The following TMEM232 variants were observed in gnomAD, a reference collection of about 807,000 sequenced individuals.
TMEM232 encodes transmembrane protein 232.
Under a neutral mutation model 78.8 loss-of-function variants are expected in TMEM232, and 80 were observed. The ratio of observed to expected loss-of-function variants is 1.01; its 90% CI spans 0.85 to 1.22. TMEM232 has a LOEUF of 1.22. Among genes scored for constraint, TMEM232 ranks in the 50% most tolerant of loss-of-function variants. The pLI is 0.00. For synonymous variants in TMEM232, 297 were observed against 254.3 expected (o/e 1.17, Z -1.60); for missense variants, 881 against 742.2 (o/e 1.19, Z -2.17).
intron 10 of TMEM232, among the ~76,000 whole-genome samples, chr5:110,602,874 A>G (rs1276145686): frequency 6.6e-6 from 1 of 152,218 alleles, no homozygotes; most frequent in East Asian, 1.9e-4. Context: ...CACAATAGCG[A>G]AGAGTTGGAA....
rs1231798143 is a variant in TMEM232, at chr5:110,551,513, G to A, written c.1455+16934C>T. On this transcript the variant is annotated intron_variant, in intron 11 of 13. Coordinates refer to ENST00000455884, the MANE Select transcript of TMEM232 (RefSeq NM_001039763.4). Reference sequence around the variant, plus strand: ...GCTGGGATTATAGGCATGAGCCACCGCGCCAGGACACGTCTAACATTTTTG... The same window carrying A: ...GCTGGGATTATAGGCATGAGCCACCACGCCAGGACACGTCTAACATTTTTG... Among the ~76,000 whole-genome samples the A allele has an allele frequency of 5.9e-5, 9 of 152,210 alleles. No individual in the cohort carries two copies. In the East Asian group the frequency reaches 7.7e-4, roughly 13 times the overall value.
At chr5:110,462,530 C>T (rs1174460240) in intron 12 of TMEM232, among the ~76,000 whole-genome samples, 1 of 152,196 alleles carries the variant, frequency 6.6e-6, no homozygotes, top group East Asian at 1.9e-4. Context: ...GTGCTGGATG[C>T]TTCCTGCCCT....
intron 1 of TMEM232, among the ~76,000 whole-genome samples, chr5:110,720,341 A>G (rs1797467369): frequency 6.6e-6 from 1 of 152,210 alleles, no homozygotes; most frequent in Non-Finnish European, 1.5e-5. Context: ...AGACTGGGTG[A>G]AGTAAGGGAG....
At chr5:110,628,190 A>T (rs1050936038) in intron 5 of TMEM232, among the ~76,000 whole-genome samples, 1 of 152,090 alleles carries the variant, frequency 6.6e-6, no homozygotes. Context: ...TGAGTCATGA[A>T]ATCAATTGAG....
At chr5:110,520,644 G>A (rs1034349452) in intron 12 of TMEM232, among the ~76,000 whole-genome samples, 5 of 152,174 alleles carry the variant, frequency 3.3e-5, no homozygotes, top group Non-Finnish European at 5.9e-5. Flanking sequence ...AATGGGCTGG[G>A]CATGGTGGCT....
At chr5:110,554,233 G>A (rs560232363) in intron 11 of TMEM232, among the ~76,000 whole-genome samples, 6 of 152,160 alleles carry the variant, frequency 3.9e-5, no homozygotes, top group Middle Eastern at 3.4e-3. Flanking sequence ...CTGCCAACAC[G>A]GCTAGAATAT....
At chr5:110,522,549 T>C (rs1251335311) in intron 12 of TMEM232, among the ~76,000 whole-genome samples, 2 of 152,200 alleles carry the variant, frequency 1.3e-5, no homozygotes, top group Non-Finnish European at 2.9e-5. Context: ...CTGTGGACTT[T>C]ACATATATGG....
intron 12 of TMEM232, among the ~76,000 whole-genome samples, chr5:110,499,109 A>C (rs1313408240): frequency 6.6e-6 from 1 of 152,202 alleles, no homozygotes; most frequent in Non-Finnish European, 1.5e-5. Flanking sequence ...ATGGAATAGC[A>C]AAACATTTCA....
At chr5:110,611,446 G>A (rs1782261896) in intron 8 of TMEM232, among the ~76,000 whole-genome samples, 4 of 152,068 alleles carry the variant, frequency 2.6e-5, no homozygotes, top group African/African-American at 4.8e-5. Context: ...GGAGAGTGAA[G>A]GGATGGAGCC....
chr5:110,455,587 C>T (rs1030180503), intron 12 of TMEM232, among the ~76,000 whole-genome samples: 1 of 151,852 alleles, frequency 6.6e-6, no homozygotes, highest in East Asian at 1.9e-4. Flanking sequence ...ACCGTGTTAG[C>T]CAGGATGGTC....
chr5:110,442,438 T>C (rs1759165023), intron 12 of TMEM232, among the ~76,000 whole-genome samples: 1 of 152,044 alleles, frequency 6.6e-6, no homozygotes, highest in South Asian at 2.1e-4. Context: ...AGTATGTGAA[T>C]TGATCAACTC....
intron 12 of TMEM232, among the ~76,000 whole-genome samples, chr5:110,481,380 T>C (rs2149396149): frequency 6.6e-6 from 1 of 152,244 alleles, no homozygotes; most frequent in Middle Eastern, 3.4e-3. Flanking sequence ...CTAAATATCT[T>C]CCTTTGGAAA....
At chr5:110,476,410 A>G (rs1763259362) in intron 12 of TMEM232, among the ~76,000 whole-genome samples, 1 of 152,124 alleles carries the variant, frequency 6.6e-6, no homozygotes, top group Non-Finnish European at 1.5e-5. Context: ...AGGACTCCAG[A>G]GGAAAACAAA....
intron 10 of TMEM232, among the ~76,000 whole-genome samples, chr5:110,602,429 G>C (rs1781026728): frequency 6.6e-6 from 1 of 151,668 alleles, no homozygotes; most frequent in Non-Finnish European, 1.5e-5. Flanking sequence ...GAATCTACAA[G>C]GAACTGGAAC....
intron 12 of TMEM232, among the ~76,000 whole-genome samples, chr5:110,521,141 T>C (rs1008547036): frequency 1.3e-5 from 2 of 152,110 alleles, no homozygotes; most frequent in Non-Finnish European, 1.5e-5. Context: ...CTGATTCTTT[T>C]CTATGTGGCC....
chr5:110,593,819 T>C (rs971897054), intron 10 of TMEM232, among the ~76,000 whole-genome samples: 2 of 152,126 alleles, frequency 1.3e-5, no homozygotes, highest in African/African-American at 2.4e-5. Flanking sequence ...CTAAAGGGTA[T>C]AATTGGATTG....
intron 1 of TMEM232, among the ~76,000 whole-genome samples, chr5:110,688,348 G>T (rs551783770): frequency 6.6e-6 from 1 of 152,166 alleles, no homozygotes; most frequent in African/African-American, 2.4e-5. Context: ...AAAAAGCTAA[G>T]CTTGTTGAAG....
chr5:110,457,330 T>C (rs189245852), intron 12 of TMEM232, among the ~76,000 whole-genome samples: 2 of 152,180 alleles, frequency 1.3e-5, no homozygotes, highest in East Asian at 1.9e-4. Flanking sequence ...TGCAAACCTA[T>C]AAGAATGGCT....
At chr5:110,699,075 CA>C (rs1340366084) in intron 1 of TMEM232, among the ~76,000 whole-genome samples, 2 of 124,492 alleles carry the variant, frequency 1.6e-5, no homozygotes, top group East Asian at 2.8e-4. Flanking sequence ...CAAAACAAAA[CA>C]AAAACAAACA....
Sources: allele counts gnomAD v4.1 joint callset (sites outside exome capture counted in the v4.1 genomes callset), GRCh38; gene constraint gnomAD v4.1.1; transcripts MANE v1.5; gene names NCBI Gene and HGNC (gene_info 2026-07-23, HGNC 2026-07-21).